The following ENTREP2 variants were observed in gnomAD, a reference collection of about 807,000 sequenced individuals.
ENTREP2 encodes protein ENTREP2.
the ENTREP2 span, among the ~76,000 whole-genome samples, chr15:29,318,704 T>C: frequency 6.6e-6 from 1 of 152,232 alleles, no homozygotes; most frequent in East Asian, 1.9e-4. Flanking sequence ...AACTTTGATA[T>C]GCTCTGGGAA....
chr15:29,456,254 T>C, the ENTREP2 span, among the ~76,000 whole-genome samples: 2 of 152,172 alleles, frequency 1.3e-5, no homozygotes, highest in Non-Finnish European at 2.9e-5. Context: ...CCCAATACCA[T>C]ACAGCTGGTT....
the ENTREP2 span, among the ~76,000 whole-genome samples, chr15:29,566,385 C>T: frequency 2.7e-4 from 41 of 152,072 alleles, no homozygotes; most frequent in African/African-American, 9.2e-4. Context: ...AGGATGGTCT[C>T]GATCTCCTGA....
the ENTREP2 span, among the ~76,000 whole-genome samples, chr15:29,444,170 CAAAGAAAGAAAGAAAGAAAGAAAG>C: frequency 0.016 from 1,136 of 71,408 alleles, 20 homozygotes; most frequent in South Asian, 0.028. Context: ...GAAAGACAGA[CAAAGAAAGAAAGAAAGAAAGAAAG>C]AAAGAAAGAA....
the ENTREP2 span, among the ~76,000 whole-genome samples, chr15:29,138,738 C>CA: frequency 0.035 from 5,271 of 151,296 alleles, 127 homozygotes; most frequent in Non-Finnish European, 0.054. Context: ...GAGGGGAAGA[C>CA]AGGGACCCAG....
the ENTREP2 span, among the ~76,000 whole-genome samples, chr15:29,299,940 G>A: frequency 6.6e-6 from 1 of 151,234 alleles, no homozygotes; most frequent in Non-Finnish European, 1.5e-5. Flanking sequence ...TAGGTGGGTG[G>A]GTGGGTAGAT....
At chr15:29,377,895 A>G in the ENTREP2 span, among the ~76,000 whole-genome samples, 31 of 149,714 alleles carry the variant, frequency 2.1e-4, no homozygotes, top group African/African-American at 7.1e-4. Flanking sequence ...GAGCTTGTGA[A>G]TAAGTATGAT....
At chr15:29,118,755 G>A in the ENTREP2 span, among the ~76,000 whole-genome samples, 2 of 152,142 alleles carry the variant, frequency 1.3e-5, no homozygotes, top group African/African-American at 2.4e-5. Flanking sequence ...TGCACCTGTG[G>A]GTCCTTTGCA....
the ENTREP2 span, among the ~76,000 whole-genome samples, chr15:29,394,898 T>G: frequency 2.7e-5 from 4 of 145,978 alleles, no homozygotes; most frequent in Admixed American, 1.4e-4. Flanking sequence ...TTTTTTTTTT[T>G]TTTTTTTTTG....
the ENTREP2 span, among the ~76,000 whole-genome samples, chr15:29,327,740 A>G: frequency 6.6e-6 from 1 of 152,216 alleles, no homozygotes; most frequent in Non-Finnish European, 1.5e-5. Context: ...ACCATTACAT[A>G]CCTATCACAA....
chr15:29,356,290 ATATATATTTTTTTTTTTTT>A, the ENTREP2 span, among the ~76,000 whole-genome samples: 2 of 55,348 alleles, frequency 3.6e-5, no homozygotes, highest in African/African-American at 1.7e-4. Flanking sequence ...ATATATATAT[ATATATATTTTTTTTTTTTT>A]TTTTTTTTTT....
the ENTREP2 span, among the ~76,000 whole-genome samples, chr15:29,469,973 T>G: frequency 1.3e-5 from 2 of 152,124 alleles, no homozygotes; most frequent in African/African-American, 4.8e-5. Flanking sequence ...TGCCCCTGGG[T>G]CATCAAAAGT....
At chr15:29,462,574 C>T in the ENTREP2 span, among the ~76,000 whole-genome samples, 8 of 152,212 alleles carry the variant, frequency 5.3e-5, 1 homozygote, top group Admixed American at 6.5e-5. Flanking sequence ...CGCACCACTG[C>T]AGTCCAGCTT....
At chr15:29,329,670 G>A in the ENTREP2 span, among the ~76,000 whole-genome samples, 4 of 152,176 alleles carry the variant, frequency 2.6e-5, no homozygotes, top group Non-Finnish European at 5.9e-5. Context: ...CATACAAAAT[G>A]AGCCAGGAAC....
At chr15:29,535,816 A>T in the ENTREP2 span, among the ~76,000 whole-genome samples, 1 of 150,494 alleles carries the variant, frequency 6.6e-6, no homozygotes, top group Non-Finnish European at 1.5e-5. Context: ...GGCTCACCAG[A>T]ACCCCAAATA....
At chr15:29,434,562 C>A in the ENTREP2 span, among the ~76,000 whole-genome samples, 1 of 152,166 alleles carries the variant, frequency 6.6e-6, no homozygotes, top group East Asian at 1.9e-4. Context: ...ACCCAGATCA[C>A]ACAGACACAT....
the ENTREP2 span, among the ~76,000 whole-genome samples, chr15:29,651,590 C>T: frequency 6.6e-6 from 1 of 152,234 alleles, no homozygotes; most frequent in African/African-American, 2.4e-5. Flanking sequence ...GAAGGCCCCC[C>T]ATCTCCACAG....
At chr15:29,271,115 T>G in the ENTREP2 span, among the ~76,000 whole-genome samples, 1 of 152,242 alleles carries the variant, frequency 6.6e-6, no homozygotes, top group South Asian at 2.1e-4. Context: ...CATGAACTAA[T>G]GCAAGTATGC....
chr15:29,276,009 C>G, the ENTREP2 span, among the ~76,000 whole-genome samples: 149 of 152,312 alleles, frequency 9.8e-4, 1 homozygote, highest in Non-Finnish European at 1.4e-3. Context: ...AATAAAGTCC[C>G]TTGTGTCCAC....
At chr15:29,383,213 C>T in the ENTREP2 span, among the ~76,000 whole-genome samples, 1 of 152,140 alleles carries the variant, frequency 6.6e-6, no homozygotes, top group Non-Finnish European at 1.5e-5. Flanking sequence ...TTGCCATGGC[C>T]ACGGCATCAC....
Sources: allele counts gnomAD v4.1 joint callset (sites outside exome capture counted in the v4.1 genomes callset), GRCh38; gene constraint gnomAD v4.1.1; transcripts MANE v1.5; gene names NCBI Gene and HGNC (gene_info 2026-07-23, HGNC 2026-07-21).